SERPINB7: variants seen among roughly 807,000 people sequenced by gnomAD.
The protein encoded by SERPINB7 is serpin family B member 7.
Under a neutral mutation model 37.4 loss-of-function variants are expected in SERPINB7, and 31 were observed. The observed-to-expected ratio is 0.83, with a 90% CI of 0.62 to 1.12. The LOEUF is 1.12. Among genes scored for constraint, SERPINB7 ranks in the 50% most tolerant of loss-of-function variants. SERPINB7 has a pLI of 0.00. For synonymous variants in SERPINB7, 163 were observed against 166.1 expected (o/e 0.98, Z 0.14); for missense variants, 521 against 455.3 (o/e 1.14, Z -1.31).
At chr18:63,759,103 C>T (rs370398755) in intron 1 of SERPINB7, among the ~76,000 whole-genome samples, 1 of 152,244 alleles carries the variant, frequency 6.6e-6, no homozygotes. Flanking sequence ...TATGAGTAGG[C>T]TTCATGGTCT....
chr18:63,791,620 T>A (rs1431935818), intron 2 of SERPINB7, among the ~76,000 whole-genome samples: 1 of 151,134 alleles, frequency 6.6e-6, no homozygotes, highest in African/African-American at 2.4e-5. Context: ...TTTATTTTTA[T>A]TTTTTTTTGA....
chr18:63,760,362 A>G (rs1598988107), intron 1 of SERPINB7, among the ~76,000 whole-genome samples: 2 of 152,326 alleles, frequency 1.3e-5, no homozygotes, highest in Non-Finnish European at 1.5e-5. Flanking sequence ...TCGAGAGGTG[A>G]CTTGGGTATT....
chr18:63,770,389 T>A (rs1246372860), intron 1 of SERPINB7, among the ~76,000 whole-genome samples: 2 of 151,976 alleles, frequency 1.3e-5, no homozygotes, highest in African/African-American at 4.8e-5. Context: ...TCTTCCCCTT[T>A]TAGAGTTTTC....
chr18:63,788,118 TC>T (rs1244014504), intron 2 of SERPINB7, among the ~76,000 whole-genome samples: 1 of 152,214 alleles, frequency 6.6e-6, no homozygotes, highest in Non-Finnish European at 1.5e-5. Flanking sequence ...TAAAGTGTAC[TC>T]CTTCTACTTA....
At chr18:63,803,654 C>A (rs1293954387) in intron 7 of SERPINB7, among the ~76,000 whole-genome samples, 4 of 152,176 alleles carry the variant, frequency 2.6e-5, no homozygotes, top group Non-Finnish European at 4.4e-5. Flanking sequence ...TCCTGCACTT[C>A]AGTTGCCTCA....
chr18:63,781,951 A>C (rs2049304963), intron 1 of SERPINB7, among the ~76,000 whole-genome samples: 1 of 152,234 alleles, frequency 6.6e-6, no homozygotes, highest in Non-Finnish European at 1.5e-5. Flanking sequence ...CAAAAATTTA[A>C]CATTGTATTG....
intron 2 of SERPINB7, among the ~76,000 whole-genome samples, chr18:63,792,103 C>T (rs1319048568): frequency 1.3e-5 from 2 of 152,090 alleles, no homozygotes; most frequent in Admixed American, 6.5e-5. Flanking sequence ...TAATTGGAAG[C>T]GATATCACCA....
At chr18:63,796,937 A>G (rs774800415) in intron 5 of SERPINB7, among the ~76,000 whole-genome samples, 2 of 152,118 alleles carry the variant, frequency 1.3e-5, no homozygotes, top group Non-Finnish European at 2.9e-5. Context: ...TGCTTTTTCC[A>G]AGGATGTATA....
intron 1 of SERPINB7, among the ~76,000 whole-genome samples, chr18:63,758,139 C>T (rs1253815697): frequency 6.6e-6 from 1 of 152,214 alleles, no homozygotes; most frequent in African/African-American, 2.4e-5. Context: ...AACACACATA[C>T]TGTATCATTG....
chr18:63,795,004 T>C (rs2049472155), intron 4 of SERPINB7, among the ~76,000 whole-genome samples: 1 of 152,252 alleles, frequency 6.6e-6, no homozygotes, highest in South Asian at 2.1e-4. Context: ...TATATTTGTG[T>C]ATATTCATTG....
At position 63,794,724 on chromosome 18, in the gene SERPINB7, A is replaced by T. The variant is rs186218751; in HGVS notation, c.336+1447A>T. 5.9e-3 allele frequency among the ~76,000 whole-genome samples: 896 copies of T among 152,196 alleles called. 7 individuals are homozygous for T. Among genetic ancestry groups the T allele is most frequent in the African/African-American group, 0.02 (850 of 41,536 alleles). Reference sequence around the variant, plus strand: ...AAAACAAATAAACAAAAAAACAAAAAAAAAATACTCTTTGTGTCAAAGTGG... The same window carrying T: ...AAAACAAATAAACAAAAAAACAAAATAAAAATACTCTTTGTGTCAAAGTGG... On this transcript the variant is annotated intron_variant, in intron 4 of 7. Coordinates refer to ENST00000398019, the MANE Select transcript of SERPINB7 (RefSeq NM_003784.4).
At chr18:63,764,478 C>A (rs1344226929) in intron 1 of SERPINB7, among the ~76,000 whole-genome samples, 1 of 152,166 alleles carries the variant, frequency 6.6e-6, no homozygotes, top group Non-Finnish European at 1.5e-5. Flanking sequence ...GGAAACTTCT[C>A]ACTCATCTCT....
At chr18:63,798,911 A>T (rs919474550) in intron 6 of SERPINB7, among the ~76,000 whole-genome samples, 165 bp downstream of exon 6, 6 of 152,216 alleles carry the variant, frequency 3.9e-5, no homozygotes, top group Admixed American at 3.9e-4. Flanking sequence ...CAAACTTTCT[A>T]TTTTCCCTGT....
intron 1 of SERPINB7, among the ~76,000 whole-genome samples, chr18:63,753,691 A>T (rs1305805872): frequency 1.3e-5 from 2 of 152,224 alleles, no homozygotes; most frequent in Non-Finnish European, 2.9e-5. Flanking sequence ...TAATTCCCTA[A>T]AAGGTCTTCT....
Position 63,800,871 on chromosome 18 carries a change from T to C in SERPINB7, c.603T>C (p.Ser201=). The part of the protein sequence containing the change: ...INCHFKSPKC[S]GKAVAMMHQE... Reference sequence around the variant, plus strand: ...TTTTGTGACTTGACTTTCAGTGCTCTGGGAAGGCAGTCGCCATGATGCATC... The same window carrying C: ...TTTTGTGACTTGACTTTCAGTGCTCCGGGAAGGCAGTCGCCATGATGCATC... Residue 201 remains serine (S), a synonymous_variant, in exon 7 of 8, where the codon TCT becomes TCC. Transcript: ENST00000398019. 2 of 1,613,278 alleles carry C rather than the reference T, an allele frequency of 1.2e-6. No homozygotes were observed. The highest frequency in any genetic ancestry group is 1.7e-6 in the Non-Finnish European group (2 of 1,179,698).
chr18:63,771,345 G>C (rs2049209989), upstream of SERPINB7, among the ~76,000 whole-genome samples: 1 of 152,062 alleles, frequency 6.6e-6, no homozygotes, highest in Non-Finnish European at 1.5e-5. Flanking sequence ...TTTGAATATG[G>C]TTTCCTGCAT....
upstream of SERPINB7, among the ~76,000 whole-genome samples, chr18:63,772,291 AT>A (rs1455324623): frequency 6.6e-6 from 1 of 152,082 alleles, no homozygotes; most frequent in Non-Finnish European, 1.5e-5. Context: ...AGGCCACTGA[AT>A]TTGCATATTT....
chr18:63,778,768 G>C (rs1009237892), intron 1 of SERPINB7, among the ~76,000 whole-genome samples: 1 of 152,044 alleles, frequency 6.6e-6, no homozygotes, highest in Non-Finnish European at 1.5e-5. Context: ...GGATAAAAAA[G>C]TTCTCAGATT....
chr18:63,766,511 T>C (rs2049181416), intron 1 of SERPINB7, among the ~76,000 whole-genome samples: 1 of 152,114 alleles, frequency 6.6e-6, no homozygotes, highest in African/African-American at 2.4e-5. Flanking sequence ...AATCGTGGCA[T>C]AGCACTTCCT....
Sources: gnomAD v4.1 joint callset for allele counts (sites outside exome capture counted in the v4.1 genomes callset) on GRCh38, gnomAD v4.1.1 for gene constraint, MANE v1.5 for transcripts, NCBI Gene and HGNC (gene_info 2026-07-23, HGNC 2026-07-21) for gene names.